Variants in SUSD6 observed in about 807,000 individuals in gnomAD.
SUSD6 encodes sushi domain-containing protein 6.
In SUSD6, 16 loss-of-function variants were observed where a neutral mutation model predicts 28.4. The observed-to-expected ratio is 0.56, with a 90% CI of 0.38 to 0.86. SUSD6 has a LOEUF of 0.86. SUSD6 is among the 40% of genes least tolerant of loss of function. The pLI, the probability that SUSD6 is intolerant of heterozygous loss-of-function variation, is 0.00. For synonymous variants in SUSD6, 147 were observed against 159.6 expected (o/e 0.92, Z 0.59); for missense variants, 341 against 384.2 (o/e 0.89, Z 0.94).
chr14:69,675,921 C>T (rs1300265931), intron 2 of SUSD6, among the ~76,000 whole-genome samples: 2 of 151,604 alleles, frequency 1.3e-5, no homozygotes, highest in African/African-American at 2.4e-5. Context: ...GCTTTTTGTA[C>T]TATGTTGTTT....
At chr14:69,618,842 T>G (rs139747646) in intron 1 of SUSD6, among the ~76,000 whole-genome samples, 2 of 152,230 alleles carry the variant, frequency 1.3e-5, no homozygotes, top group African/African-American at 4.8e-5. Context: ...GATGAGACTC[T>G]TAGTTGAAGA....
chr14:69,639,812 C>T (rs1885322314), intron 1 of SUSD6, among the ~76,000 whole-genome samples: 2 of 152,132 alleles, frequency 1.3e-5, no homozygotes, highest in Non-Finnish European at 2.9e-5. Context: ...ACCAGTAGCA[C>T]CTTACCCCCA....
At chr14:69,654,473 G>A (rs1442070440) in intron 1 of SUSD6, among the ~76,000 whole-genome samples, 4 of 152,186 alleles carry the variant, frequency 2.6e-5, no homozygotes, top group African/African-American at 7.2e-5. Flanking sequence ...TGAAGTGTCA[G>A]GAAAGAATTC....
chr14:69,676,632 C>T (rs1885914744), intron 2 of SUSD6, among the ~76,000 whole-genome samples: 1 of 152,188 alleles, frequency 6.6e-6, no homozygotes, highest in African/African-American at 2.4e-5. Context: ...TAGGCTCAAG[C>T]AGTCCTCATG....
chr14:69,682,617 AAAG>A (rs1193237605), intron 2 of SUSD6, among the ~76,000 whole-genome samples: 1 of 152,250 alleles, frequency 6.6e-6, no homozygotes, highest in Non-Finnish European at 1.5e-5. Context: ...CAATTGTTTT[AAAG>A]AGCAAGGGCT....
intron 1 of SUSD6, among the ~76,000 whole-genome samples, chr14:69,642,838 A>C (rs531293991): frequency 6.6e-6 from 1 of 152,238 alleles, no homozygotes; most frequent in Non-Finnish European, 1.5e-5. Context: ...TAGTTTCCTC[A>C]GAGGCATGCA....
At chr14:69,699,378 A>T (rs940549859) in intron 2 of SUSD6, among the ~76,000 whole-genome samples, 1 of 151,930 alleles carries the variant, frequency 6.6e-6, no homozygotes, top group African/African-American at 2.4e-5. Context: ...TAATTTTTGT[A>T]TTTGTAGTAG....
chr14:69,628,627 A>G (rs983147156), intron 1 of SUSD6, among the ~76,000 whole-genome samples: 1 of 152,118 alleles, frequency 6.6e-6, no homozygotes, highest in Non-Finnish European at 1.5e-5. Flanking sequence ...CACTGGATAA[A>G]TCAGGAAACC....
chr14:69,657,654 A>T (rs1325280295), intron 1 of SUSD6, among the ~76,000 whole-genome samples: 1 of 152,230 alleles, frequency 6.6e-6, no homozygotes, highest in African/African-American at 2.4e-5. Flanking sequence ...TAACTGGCAA[A>T]TGAAATTAAA....
At chr14:69,631,465 A>G (rs1885193274) in intron 1 of SUSD6, among the ~76,000 whole-genome samples, 2 of 152,152 alleles carry the variant, frequency 1.3e-5, no homozygotes, top group South Asian at 2.1e-4. Flanking sequence ...GTAAGCTTGG[A>G]TAGGTTATTT....
intron 1 of SUSD6, among the ~76,000 whole-genome samples, chr14:69,640,693 A>G (rs1366480331): frequency 6.6e-6 from 1 of 152,186 alleles, no homozygotes; most frequent in Non-Finnish European, 1.5e-5. Flanking sequence ...TAACCAACAA[A>G]TATCTACACT....
At chr14:69,650,671 G>A (rs1386612929) in intron 1 of SUSD6, among the ~76,000 whole-genome samples, 1 of 152,084 alleles carries the variant, frequency 6.6e-6, no homozygotes, top group African/African-American at 2.4e-5. Flanking sequence ...GGTCTTATTT[G>A]TTCTCTCTTG....
chr14:69,614,170 C>G (rs1208108993), intron 1 of SUSD6, among the ~76,000 whole-genome samples: 2 of 152,178 alleles, frequency 1.3e-5, no homozygotes, highest in Admixed American at 6.5e-5. Context: ...CAGGTTCAAA[C>G]GATTCTCTGC....
At position 69,635,595 on chromosome 14, in the gene SUSD6, C is replaced by CCACACACACA. The variant is rs3048696; in HGVS notation, c.-80-22879_-80-22870dup. 6.6e-3 allele frequency among the ~76,000 whole-genome samples: 945 copies of CCACACACACA among 143,586 alleles called. 4 individuals carry two copies. Among genetic ancestry groups the CCACACACACA allele is most frequent in the Admixed American group, 0.012 (170 of 14,426 alleles). The allele number at this position is 143,586 out of a possible 152,430, so 94.2% of individuals were successfully genotyped here. On this transcript the variant is annotated intron_variant, in intron 1 of 5. Coordinates refer to ENST00000342745, the MANE Select transcript of SUSD6 (RefSeq NM_014734.4). The stretch of plus-strand genomic sequence containing the variant: ...CTGCCCCCACTCCACCCAAGGCACA[C>CCACACACACA]CACACACACACACACACACACACAC...
At chr14:69,656,356 A>C (rs1259794126) in intron 1 of SUSD6, among the ~76,000 whole-genome samples, 4 of 152,220 alleles carry the variant, frequency 2.6e-5, no homozygotes, top group Non-Finnish European at 5.9e-5. Context: ...TGGCACATGC[A>C]GGTGTCATTC....
At chr14:69,698,185 G>C (rs551878307) in intron 2 of SUSD6, among the ~76,000 whole-genome samples, 1 of 152,256 alleles carries the variant, frequency 6.6e-6, no homozygotes, top group South Asian at 2.1e-4. Context: ...AAAGTTAGCC[G>C]GGTGTGGTGG....
At position 69,644,948 on chromosome 14, in the gene SUSD6, G is replaced by C. The variant is rs115481474; in HGVS notation, c.-80-13565G>C. Among the ~76,000 whole-genome samples the C allele has an allele frequency of 5.3e-3, 810 of 152,306 alleles. 3 individuals are homozygous for C. Among genetic ancestry groups the C allele is most frequent in the African/African-American group, 0.018 (733 of 41,568 alleles). ...TGAGGTAAGGGTATAGGTGGCGGCAGGGGCATGGGGCTAATCAAAGGGAAG... is the reference window on the plus strand; with the variant it reads ...TGAGGTAAGGGTATAGGTGGCGGCACGGGCATGGGGCTAATCAAAGGGAAG... On this transcript the variant is annotated intron_variant, in intron 1 of 5. Coordinates refer to ENST00000342745, the MANE Select transcript of SUSD6 (RefSeq NM_014734.4).
rs115683020 is a variant in SUSD6 at position 69,655,850 on chromosome 14, C to A, written c.-80-2663C>A. The stretch of plus-strand genomic sequence containing the variant: ...AATTTAAGATTCTTTACCATTTGGC[C>A]GGCCCCACTGCTCTTCCCTTGCCTG... On this transcript the variant is annotated intron_variant, in intron 1 of 5. Transcript: ENST00000342745. Among the ~76,000 whole-genome samples the A allele has an allele frequency of 5.5e-3, 834 of 152,076 alleles. 10 individuals carry two copies. The highest frequency in any genetic ancestry group is 0.019 in the African/African-American group (784 of 41,452).
chr14:69,639,806 G>A (rs1885322223), intron 1 of SUSD6, among the ~76,000 whole-genome samples: 2 of 152,220 alleles, frequency 1.3e-5, no homozygotes, highest in Admixed American at 1.3e-4. Flanking sequence ...TTAGATACCA[G>A]TAGCACCTTA....
Sources: allele counts gnomAD v4.1 joint callset (sites outside exome capture counted in the v4.1 genomes callset), GRCh38; gene constraint gnomAD v4.1.1; transcripts MANE v1.5; gene names NCBI Gene and HGNC (gene_info 2026-07-23, HGNC 2026-07-21).